The following PTPRD variants were observed in gnomAD, a reference collection of about 807,000 sequenced individuals.
PTPRD encodes receptor-type tyrosine-protein phosphatase delta.
Under a neutral mutation model 214.5 loss-of-function variants are expected in PTPRD, and 34 were observed. That is an observed-to-expected ratio of 0.16 (90% CI 0.12 to 0.21). PTPRD has a LOEUF of 0.21. Ranked by LOEUF, PTPRD falls within the 10% of genes least tolerant of loss-of-function variation. The probability of loss-of-function intolerance (pLI) is 1.00; values close to 1 mark genes in which losing one functional copy is unlikely to be tolerated. For missense variants in PTPRD, 2,545 were observed against 2,398.7 expected (o/e 1.06, Z -1.27); for synonymous variants, 1,128 against 845.7 (o/e 1.33, Z -5.79).
chr9:10,587,798 G>C (rs1567082291), intron 2 of PTPRD, among the ~76,000 whole-genome samples: 1 of 152,004 alleles, frequency 6.6e-6, no homozygotes, highest in Non-Finnish European at 1.5e-5. Context: ...CTTTAGTCTA[G>C]TGAAGGGACC....
intron 11 of PTPRD, among the ~76,000 whole-genome samples, chr9:8,822,532 G>C (rs1274750771): frequency 6.6e-6 from 1 of 152,128 alleles, no homozygotes; most frequent in Admixed American, 6.6e-5. Flanking sequence ...GGTTGTTGAA[G>C]GCTAATGTTA....
chr9:9,442,665 T>C (rs1588545691), intron 8 of PTPRD, among the ~76,000 whole-genome samples: 3 of 152,154 alleles, frequency 2.0e-5, no homozygotes, highest in African/African-American at 7.2e-5. Context: ...TAATTAAAGA[T>C]GTTCTATTAT....
chr9:10,106,459 C>A (rs922623082), intron 3 of PTPRD, among the ~76,000 whole-genome samples: 1 of 151,722 alleles, frequency 6.6e-6, no homozygotes, highest in Non-Finnish European at 1.5e-5. Context: ...AAATGGTATG[C>A]ATAAAGAGGG....
chr9:9,000,350 A>G (rs951772948), intron 11 of PTPRD, among the ~76,000 whole-genome samples: 3 of 152,010 alleles, frequency 2.0e-5, no homozygotes, highest in Non-Finnish European at 4.4e-5. Context: ...AGCTCTTTCA[A>G]TGTGCAATAG....
At chr9:8,991,145 G>T (rs1010807137) in intron 11 of PTPRD, among the ~76,000 whole-genome samples, 1 of 151,522 alleles carries the variant, frequency 6.6e-6, no homozygotes, top group African/African-American at 2.4e-5. Flanking sequence ...CTTGAACACG[G>T]GAGGTGGAGG....
intron 2 of PTPRD, among the ~76,000 whole-genome samples, chr9:10,373,649 C>T (rs2097673935): frequency 6.6e-6 from 1 of 152,072 alleles, no homozygotes; most frequent in South Asian, 2.1e-4. Context: ...CTATAGGCAC[C>T]TTGATGATCT....
At chr9:9,070,640 T>A (rs2154408812) in intron 10 of PTPRD, among the ~76,000 whole-genome samples, 1 of 152,342 alleles carries the variant, frequency 6.6e-6, no homozygotes, top group African/African-American at 2.4e-5. Context: ...CACTTTTAAC[T>A]TAATCTTTGT....
intron 8 of PTPRD, among the ~76,000 whole-genome samples, chr9:9,534,790 T>C (rs958690627): frequency 1.2e-4 from 12 of 102,878 alleles, no homozygotes; most frequent in Middle Eastern, 5.6e-3. Flanking sequence ...TCTATGTCCT[T>C]CTTATTTTTA....
intron 11 of PTPRD, among the ~76,000 whole-genome samples, chr9:8,843,297 T>C (rs1423952406): frequency 6.6e-6 from 1 of 152,236 alleles, no homozygotes. Flanking sequence ...GAATCTGTTA[T>C]CAATTCACTT....
intron 12 of PTPRD, among the ~76,000 whole-genome samples, chr9:8,640,640 TAC>T (rs1304600520): frequency 6.9e-6 from 1 of 145,132 alleles, no homozygotes; most frequent in Non-Finnish European, 1.5e-5. Flanking sequence ...TTGATCACAC[TAC>T]AGTTAAATAA....
intron 35 of PTPRD, among the ~76,000 whole-genome samples, chr9:8,419,452 C>G (rs61435032): frequency 0.079 from 12,012 of 151,482 alleles, 895 homozygotes; most frequent in African/African-American, 0.2. Flanking sequence ...AACAATATAG[C>G]GAACAAAAAA....
At chr9:10,037,983 A>C (rs762869221) in intron 3 of PTPRD, among the ~76,000 whole-genome samples, 1 of 152,196 alleles carries the variant, frequency 6.6e-6, no homozygotes, top group Non-Finnish European at 1.5e-5. Flanking sequence ...CACACCTTGT[A>C]TATGAGAGTC....
chr9:10,116,040 AC>A (rs759007147), intron 3 of PTPRD, among the ~76,000 whole-genome samples: 8 of 152,130 alleles, frequency 5.3e-5, no homozygotes, highest in Non-Finnish European at 1.5e-5. Context: ...TTATTAGGGA[AC>A]AAAATCTGCC....
intron 9 of PTPRD, among the ~76,000 whole-genome samples, chr9:9,367,118 A>G (rs2058094443): frequency 6.6e-6 from 1 of 151,532 alleles, no homozygotes; most frequent in African/African-American, 2.4e-5. Context: ...AAGAAAGCTA[A>G]TATAATCAGT....
intron 10 of PTPRD, among the ~76,000 whole-genome samples, chr9:9,182,615 T>C (rs866901283): frequency 3.9e-5 from 6 of 151,932 alleles, no homozygotes; most frequent in Non-Finnish European, 7.4e-5. Flanking sequence ...TAAACTGCAA[T>C]GGGTGAGGAA....
At chr9:8,937,104 A>G (rs1002361549) in intron 11 of PTPRD, among the ~76,000 whole-genome samples, 8 of 152,154 alleles carry the variant, frequency 5.3e-5, no homozygotes, top group Non-Finnish European at 8.8e-5. Context: ...CCGCATCATA[A>G]TGTATTGACT....
intron 3 of PTPRD, among the ~76,000 whole-genome samples, chr9:10,102,475 G>C (rs2098561597): frequency 6.6e-6 from 1 of 151,410 alleles, no homozygotes; most frequent in African/African-American, 2.4e-5. Context: ...TTATTATTTT[G>C]CCTATTAATC....
chr9:9,762,317 T>C (rs1348137190), intron 6 of PTPRD, among the ~76,000 whole-genome samples: 1 of 152,236 alleles, frequency 6.6e-6, no homozygotes, highest in Non-Finnish European at 1.5e-5. Flanking sequence ...TTTCAGCTGG[T>C]ATAATCCCAA....
At chr9:10,431,191 T>G (rs1223018722) in intron 2 of PTPRD, among the ~76,000 whole-genome samples, 2 of 152,022 alleles carry the variant, frequency 1.3e-5, no homozygotes, top group Non-Finnish European at 2.9e-5. Flanking sequence ...ATTTCATCGT[T>G]CAGAATCACT....
Sources: gnomAD v4.1 joint callset for allele counts (sites outside exome capture counted in the v4.1 genomes callset) on GRCh38, gnomAD v4.1.1 for gene constraint, MANE v1.5 for transcripts, NCBI Gene and HGNC (gene_info 2026-07-23, HGNC 2026-07-21) for gene names.